Variants in DPP4 observed in about 807,000 individuals in gnomAD.
The protein encoded by DPP4 is dipeptidyl peptidase 4, also known as ADCP-2.
In DPP4, 93 loss-of-function variants were observed where a neutral mutation model predicts 122.4. The observed-to-expected ratio is 0.76, with a 90% CI of 0.64 to 0.90. The LOEUF (loss-of-function observed/expected upper bound fraction) is 0.90. Ranked by LOEUF, DPP4 falls within the 40% of genes least tolerant of loss-of-function variation. DPP4 has a pLI of 0.00. For missense variants in DPP4, 914 were observed against 907.3 expected (o/e 1.01, Z -0.09); for synonymous variants, 321 against 302.9 (o/e 1.06, Z -0.62).
At position 161,993,230 on chromosome 2, in the gene DPP4, T is replaced by C. The variant is rs199638716; in HGVS notation, c.*53A>G. ...TCTTGACAGTGCAGTTTTGAGATAATGAAAACAAAAATGAGTTTTAATAAG... is the reference window on the plus strand; with the variant it reads ...TCTTGACAGTGCAGTTTTGAGATAACGAAAACAAAAATGAGTTTTAATAAG... On this transcript the variant is annotated 3_prime_UTR_variant, in exon 26 of 26. Coordinates refer to ENST00000360534, the MANE Select transcript of DPP4 (RefSeq NM_001935.4). The C allele has an allele frequency of 2.1e-5, 30 of 1,407,054 alleles. No individual in the cohort carries two copies. Among genetic ancestry groups the C allele is most frequent in the Middle Eastern group, 1.8e-4 (1 of 5,646 alleles). 87.2% of individuals were successfully genotyped at this position (1,407,054 alleles called of 1,614,324 possible).
intron 2 of DPP4, among the ~76,000 whole-genome samples, chr2:162,059,187 C>T (rs1684676171): frequency 1.3e-5 from 2 of 152,212 alleles, no homozygotes; most frequent in South Asian, 4.1e-4. Flanking sequence ...AAGCTCTACA[C>T]ACACAGGGAG....
chr2:162,033,474 T>C, intron 10 of DPP4, 67 bp downstream of exon 10: 1 of 1,282,224 alleles, frequency 7.8e-7, no homozygotes, highest in South Asian at 1.3e-5. Flanking sequence ...GCCATTCACT[T>C]TTGAAAAGTT....
intron 23 of DPP4, among the ~76,000 whole-genome samples, chr2:162,001,898 A>T (rs535370968): frequency 6.6e-6 from 1 of 152,178 alleles, no homozygotes; most frequent in East Asian, 1.9e-4. Context: ...AGCTTCCGGT[A>T]TCAGCTCCTT....
chr2:161,995,907 G>A (rs1576029216), intron 23 of DPP4, among the ~76,000 whole-genome samples: 1 of 152,260 alleles, frequency 6.6e-6, no homozygotes, highest in East Asian at 1.9e-4. Context: ...TTACCTCTTT[G>A]GGAACAGATG....
At chr2:161,998,739 T>C (rs930832989) in intron 23 of DPP4, among the ~76,000 whole-genome samples, 2 of 152,100 alleles carry the variant, frequency 1.3e-5, no homozygotes, top group Non-Finnish European at 2.9e-5. Flanking sequence ...ACAATTTTTA[T>C]AAACAAGTAA....
intron 2 of DPP4, among the ~76,000 whole-genome samples, chr2:162,063,757 G>A (rs1049538412): frequency 2.0e-5 from 3 of 152,118 alleles, no homozygotes; most frequent in Non-Finnish European, 2.9e-5. Flanking sequence ...AGTGATAATA[G>A]AAACTCTTTA....
At position 162,039,378 on chromosome 2, in the gene DPP4, G is replaced by T. The variant is rs182337107; in HGVS notation, c.367-194C>A. Among the ~76,000 whole-genome samples the T allele has an allele frequency of 1.8e-3, 280 of 152,030 alleles. 1 individual carries two copies. The highest frequency in any genetic ancestry group is 6.6e-3 in the African/African-American group (273 of 41,524). Reference sequence around the variant, plus strand: ...ATCATCTCATACAAACTCCTCTGGAGTTCATCTACAACCTAGCTCTGGCAC... The same window carrying T: ...ATCATCTCATACAAACTCCTCTGGATTTCATCTACAACCTAGCTCTGGCAC... On this transcript the variant is annotated intron_variant, in intron 5 of 25. Transcript: ENST00000360534.
At chr2:162,020,187 T>C (rs1683069753) in intron 14 of DPP4, 42 bp downstream of exon 14, 1 of 1,541,106 alleles carries the variant, frequency 6.5e-7, no homozygotes. Context: ...GGCATGATTA[T>C]GACAAGTAGG....
chr2:162,053,325 C>T (rs1276476771), intron 2 of DPP4, among the ~76,000 whole-genome samples: 4 of 152,222 alleles, frequency 2.6e-5, no homozygotes, highest in South Asian at 2.1e-4. Context: ...CAGAGTGCCA[C>T]GGCCTAGGCC....
intron 2 of DPP4, among the ~76,000 whole-genome samples, chr2:162,050,247 G>A (rs760061373): frequency 3.9e-5 from 6 of 152,166 alleles, no homozygotes; most frequent in Non-Finnish European, 7.3e-5. Flanking sequence ...CTGTTATCAA[G>A]AGGTATTAGT....
rs750167004 is a variant in DPP4 at position 162,011,925 on chromosome 2, A to G, written c.1700T>C (p.Leu567Pro). ...TVFRLNWATY[L>P]ASTENIIVAS... ...TACTATAATGTTTTCTGTGCTTGCA[A>G]GGTAAGTGGCCCAGTTCAGTCTGAA... is the stretch of plus-strand genomic sequence containing the variant. The change falls in exon 20 of 26, where the codon CTT becomes CCT. Residue 567 changes from leucine (L) to proline (P), a missense_variant. Transcript: ENST00000360534. The G allele has an allele frequency of 3.1e-6, 5 of 1,613,766 alleles. No homozygotes were observed. The highest frequency in any genetic ancestry group is 2.2e-5 in the East Asian group (1 of 44,872).
chr2:162,000,545 T>C (rs943324149), intron 23 of DPP4, among the ~76,000 whole-genome samples: 3 of 152,134 alleles, frequency 2.0e-5, no homozygotes, highest in Non-Finnish European at 4.4e-5. Context: ...TCTGGGATAA[T>C]AGAACAAATG....
chr2:162,066,306 C>T (rs1334126815), intron 2 of DPP4, among the ~76,000 whole-genome samples: 1 of 152,012 alleles, frequency 6.6e-6, no homozygotes, highest in Non-Finnish European at 1.5e-5. Context: ...CTCCAAGCCA[C>T]CATCATTGAT....
intron 8 of DPP4, among the ~76,000 whole-genome samples, chr2:162,038,044 C>T (rs906782757): frequency 3.3e-5 from 5 of 152,110 alleles, no homozygotes; most frequent in African/African-American, 1.2e-4. Context: ...GGTCTACCTA[C>T]ACAGAAAAGC....
At position 162,017,117 on chromosome 2, in the gene DPP4, T is replaced by G; in HGVS notation, c.1459A>C (p.Asn487His). The change falls in exon 17 of 26, where the codon AAT becomes CAT. Residue 487 changes from asparagine to histidine, a missense_variant. Coordinates refer to ENST00000360534, the MANE Select transcript of DPP4 (RefSeq NM_001935.4). ...LPLYTLHSSV[N>H]DKGLRVLEDN... ...AAATATGAGAAAATACCTTTATCAT[T>G]CACGCTGCTGTGTAGAGTATAGAGG... The G allele has an allele frequency of 6.2e-7, 1 of 1,612,164 alleles. No individual in the cohort carries two copies. Among genetic ancestry groups the G allele is most frequent in the Non-Finnish European group, 8.5e-7 (1 of 1,179,734 alleles).
chr2:162,010,042 C>A (rs1004499755), intron 20 of DPP4, among the ~76,000 whole-genome samples: 1 of 152,078 alleles, frequency 6.6e-6, no homozygotes, highest in Admixed American at 6.6e-5. Context: ...GGTTGCAGAC[C>A]TTTGCATTAA....
At chr2:162,020,396 T>C in intron 13 of DPP4, 100 bp from the exon 14 acceptor site, 4 of 1,153,388 alleles carry the variant, frequency 3.5e-6, no homozygotes, top group Non-Finnish European at 4.9e-6. Context: ...GGAATTCAAA[T>C]AACCTTGGAT....
intron 20 of DPP4, among the ~76,000 whole-genome samples, chr2:162,010,276 C>A (rs966633122): frequency 3.9e-5 from 6 of 152,132 alleles, no homozygotes; most frequent in Non-Finnish European, 7.4e-5. Context: ...ATGGCCTGTG[C>A]ATATTATCAG....
At chr2:162,048,885 C>A (rs1684283901) in intron 2 of DPP4, among the ~76,000 whole-genome samples, 1 of 152,190 alleles carries the variant, frequency 6.6e-6, no homozygotes, top group Non-Finnish European at 1.5e-5. Flanking sequence ...TTACGTCAAC[C>A]TTTAGCACCT....
Sources: allele counts gnomAD v4.1 joint callset (sites outside exome capture counted in the v4.1 genomes callset), GRCh38; gene constraint gnomAD v4.1.1; transcripts MANE v1.5; gene names NCBI Gene and HGNC (gene_info 2026-07-23, HGNC 2026-07-21).